Variants in SORCS3 observed in about 807,000 individuals in gnomAD.
SORCS3 encodes sortilin related VPS10 domain containing receptor 3.
In SORCS3, 57 loss-of-function variants were observed where a neutral mutation model predicts 146.3. The observed-to-expected ratio is 0.39, with a 90% CI of 0.31 to 0.49. The LOEUF (loss-of-function observed/expected upper bound fraction) is 0.49, where lower values mean the gene tolerates loss of function less well. Ranked by LOEUF, SORCS3 falls within the 20% of genes least tolerant of loss-of-function variation. The probability of loss-of-function intolerance (pLI) is 0.92; values close to 1 mark genes in which losing one functional copy is unlikely to be tolerated. For synonymous variants in SORCS3, 653 were observed against 618.5 expected (o/e 1.06, Z -0.83); for missense variants, 1,341 against 1,575.5 (o/e 0.85, Z 2.52).
intron 4 of SORCS3, among the ~76,000 whole-genome samples, chr10:105,000,138 A>G (rs1469283766): frequency 6.6e-6 from 1 of 152,190 alleles, no homozygotes; most frequent in East Asian, 1.9e-4. Flanking sequence ...CAACAAAAAG[A>G]CAAGGACAGA....
In SORCS3 at chr10:104,685,546, T is replaced by C. The variant is rs75852518; in HGVS notation, c.627+43592T>C. Among the ~76,000 whole-genome samples, 309 of 152,342 alleles carry C rather than the reference T, an allele frequency of 2.0e-3. 1 individual carries two copies. Among genetic ancestry groups the C allele is most frequent in the African/African-American group, 7.1e-3 (295 of 41,574 alleles). On this transcript the variant is annotated intron_variant, in intron 1 of 26. Transcript: ENST00000369701. ...CCTAGGTCACATCCCTCCTGTCTGT[T>C]TGAACAGTTTCTAAACCCCTCAGCC... is the stretch of plus-strand genomic sequence containing the variant.
At chr10:105,072,744 CT>C (rs1241999051) in intron 5 of SORCS3, among the ~76,000 whole-genome samples, 1 of 137,274 alleles carries the variant, frequency 7.3e-6, no homozygotes, top group Admixed American at 8.3e-5. Context: ...GCAATTTTGC[CT>C]GTTTCCCCCC....
intron 3 of SORCS3, among the ~76,000 whole-genome samples, chr10:104,951,713 G>C (rs2019432439): frequency 6.6e-6 from 1 of 151,940 alleles, no homozygotes; most frequent in South Asian, 2.1e-4. Context: ...GCAAGACAAA[G>C]AGGCCCAATG....
chr10:104,925,673 G>T (rs17117947), intron 3 of SORCS3, among the ~76,000 whole-genome samples: 4,602 of 152,158 alleles, frequency 0.03, 230 homozygotes, highest in African/African-American at 0.1. Context: ...AAGGCTGCAG[G>T]TATGGCAGAC....
chr10:105,249,908 G>GA (rs1324319968), intron 22 of SORCS3, among the ~76,000 whole-genome samples: 2 of 151,748 alleles, frequency 1.3e-5, no homozygotes, highest in Non-Finnish European at 2.9e-5. Flanking sequence ...AAAAAACAAA[G>GA]AAAAAATGAG....
At chr10:104,979,058 A>G (rs2054918259) in intron 4 of SORCS3, among the ~76,000 whole-genome samples, 1 of 152,104 alleles carries the variant, frequency 6.6e-6, no homozygotes, top group Admixed American at 6.6e-5. Context: ...CTTCCTCAGG[A>G]CACCTTCCGT....
At chr10:105,258,091 T>C (rs967901282) in intron 25 of SORCS3, among the ~76,000 whole-genome samples, 21 of 152,168 alleles carry the variant, frequency 1.4e-4, no homozygotes, top group Non-Finnish European at 4.4e-5. Context: ...CTTTAGTGGC[T>C]ATTTCATTTT....
intron 3 of SORCS3, among the ~76,000 whole-genome samples, chr10:104,927,782 G>A (rs2133608420): frequency 6.6e-6 from 1 of 152,034 alleles, no homozygotes; most frequent in South Asian, 2.1e-4. Flanking sequence ...GGAGGCTGAG[G>A]CAGGAGAATC....
At chr10:104,750,861 A>G (rs2133468418) in intron 1 of SORCS3, among the ~76,000 whole-genome samples, 1 of 152,358 alleles carries the variant, frequency 6.6e-6, no homozygotes. Context: ...CAATAAGCAA[A>G]AAAACTCACA....
chr10:104,737,043 C>G (rs1343033097), intron 1 of SORCS3, among the ~76,000 whole-genome samples: 1 of 151,632 alleles, frequency 6.6e-6, no homozygotes, highest in Non-Finnish European at 1.5e-5. Context: ...GGTTTTTTGT[C>G]CTTGCGATAG....
chr10:105,244,657 T>C (rs1195325203), intron 20 of SORCS3, among the ~76,000 whole-genome samples: 1 of 152,200 alleles, frequency 6.6e-6, no homozygotes, highest in Non-Finnish European at 1.5e-5. Flanking sequence ...TGTTTTTTTG[T>C]GTATTTTCCA....
chr10:104,977,455 C>G lies in SORCS3; in HGVS notation c.916C>G (p.Gln306Glu), dbSNP rs2054906340. The G allele has an allele frequency of 6.2e-7, 1 of 1,613,106 alleles. No individual in the cohort carries two copies. The highest frequency in any genetic ancestry group is 8.5e-7 in the Non-Finnish European group (1 of 1,179,702). ...CCAGAGCCTGCTCTTTCATCCCAAGCAAGAGGACTGGGTGCTGGCCTACAG... is the reference window on the plus strand; with the variant it reads ...CCAGAGCCTGCTCTTTCATCCCAAGGAAGAGGACTGGGTGCTGGCCTACAG... Reference protein sequence around the residue: ...YIQSLLFHPKQEDWVLAYSLD... With the variant: ...YIQSLLFHPKEEDWVLAYSLD... Residue 306 changes from glutamine (Q) to glutamate (E), a missense_variant, in exon 4 of 27, where the codon CAA (glutamine) becomes GAA (glutamate). Gln to Glu is a conservative substitution (Grantham distance 29). Coordinates refer to ENST00000369701, the MANE Select transcript of SORCS3 (RefSeq NM_014978.3).
chr10:105,161,586 T>C lies in SORCS3; in HGVS notation c.1732+2592T>C, dbSNP rs926622519. On this transcript the variant is annotated intron_variant, in intron 11 of 26. Coordinates refer to ENST00000369701, the MANE Select transcript of SORCS3 (RefSeq NM_014978.3). The stretch of plus-strand genomic sequence containing the variant: ...TCCGAAGGCAGATGGAAATCTAGTA[T>C]AGAGAGTTTGGCAATTGCCTTTTGC... Among the ~76,000 whole-genome samples the C allele has an allele frequency of 3.3e-5, 5 of 152,120 alleles. No individual in the cohort carries two copies. In the South Asian group the frequency reaches 8.3e-4, roughly 25 times the overall value.
intron 2 of SORCS3, among the ~76,000 whole-genome samples, chr10:104,906,209 G>C (rs148322111): frequency 6.6e-6 from 1 of 152,154 alleles, no homozygotes; most frequent in East Asian, 1.9e-4. Flanking sequence ...GCTAGTGTAG[G>C]CCTCATTATT....
chr10:104,801,599 G>T (rs2017624868), intron 1 of SORCS3, among the ~76,000 whole-genome samples: 1 of 152,204 alleles, frequency 6.6e-6, no homozygotes, highest in South Asian at 2.1e-4. Flanking sequence ...GGGAATGAAT[G>T]ATGCATTGCG....
chr10:105,246,554 C>T (rs2056867611), intron 21 of SORCS3, among the ~76,000 whole-genome samples: 1 of 152,158 alleles, frequency 6.6e-6, no homozygotes, highest in East Asian at 1.9e-4. Flanking sequence ...GATTATGTTC[C>T]TCCAGCCTCA....
At chr10:104,915,719 T>A (rs1019403923) in intron 2 of SORCS3, 114 bp from the exon 3 acceptor site, 7 of 818,336 alleles carry the variant, frequency 8.6e-6, no homozygotes, top group African/African-American at 6.8e-5. Context: ...GAAGCACTCA[T>A]ATGATTCGGG....
chr10:105,112,462 T>G (rs974958609), intron 7 of SORCS3, among the ~76,000 whole-genome samples: 2 of 152,182 alleles, frequency 1.3e-5, no homozygotes, highest in African/African-American at 4.8e-5. Flanking sequence ...TAAAGTTGCC[T>G]CTGCAGGTTT....
intron 5 of SORCS3, among the ~76,000 whole-genome samples, chr10:105,081,792 A>G (rs1435297423): frequency 2.6e-5 from 4 of 152,012 alleles, no homozygotes; most frequent in African/African-American, 9.7e-5. Flanking sequence ...AGGGCTCCCA[A>G]TTATGGAGAT....
Sources: allele counts gnomAD v4.1 joint callset (sites outside exome capture counted in the v4.1 genomes callset), GRCh38; gene constraint gnomAD v4.1.1; transcripts MANE v1.5; gene names NCBI Gene and HGNC (gene_info 2026-07-23, HGNC 2026-07-21).